The following CHST11 variants were observed in gnomAD, a reference collection of about 807,000 sequenced individuals.
The protein encoded by CHST11 is carbohydrate sulfotransferase 11.
Under a neutral mutation model 30.4 loss-of-function variants are expected in CHST11, and 9 were observed. The ratio of observed to expected loss-of-function variants is 0.30; its 90% CI spans 0.18 to 0.52. The LOEUF (loss-of-function observed/expected upper bound fraction) is 0.52. Among genes scored for constraint, CHST11 ranks in the 20% least tolerant of loss-of-function variants. The pLI is 0.97. For synonymous variants in CHST11, 152 were observed against 187.8 expected, an observed-to-expected ratio of 0.81 and a Z score of 1.56; for missense variants, 348 against 460.6, an observed-to-expected ratio of 0.76 and a Z score of 2.24.
intron 2 of CHST11, among the ~76,000 whole-genome samples, chr12:104,609,510 G>T (rs1281561387): frequency 1.3e-5 from 2 of 152,152 alleles, no homozygotes; most frequent in African/African-American, 4.8e-5. Flanking sequence ...CAGATTTCCA[G>T]TCAAGCCAGG....
chr12:104,723,643 GT>G (rs1277074258), intron 2 of CHST11, among the ~76,000 whole-genome samples: 3 of 152,188 alleles, frequency 2.0e-5, no homozygotes, highest in Non-Finnish European at 4.4e-5. Context: ...TAGCCAAGAG[GT>G]GGTGCCCAAA....
intron 1 of CHST11, among the ~76,000 whole-genome samples, chr12:104,551,018 G>A (rs1408035523): frequency 6.6e-6 from 1 of 152,040 alleles, no homozygotes; most frequent in Non-Finnish European, 1.5e-5. Flanking sequence ...AGTGCTGATG[G>A]TCCGTACTTG....
At chr12:104,523,888 T>G (rs2038097842) in intron 1 of CHST11, among the ~76,000 whole-genome samples, 1 of 152,214 alleles carries the variant, frequency 6.6e-6, no homozygotes, top group African/African-American at 2.4e-5. Context: ...TTTCTGGAAT[T>G]TCACATGGGT....
At chr12:104,497,574 T>C (rs2037811224) in intron 1 of CHST11, among the ~76,000 whole-genome samples, 1 of 151,352 alleles carries the variant, frequency 6.6e-6, no homozygotes, top group Non-Finnish European at 1.5e-5. Flanking sequence ...ACCTCACGTA[T>C]TAAAAAAAAA....
At position 104,621,804 on chromosome 12, in the gene CHST11, C is replaced by T. The variant is rs561445538; in HGVS notation, c.204+19813C>T. ...AGTTGTTTGTAGTGATTTGTTACAG[C>T]GGCAATAGAAAACTAACATGCACAC... On this transcript the variant is annotated intron_variant, in intron 2 of 2. Coordinates refer to ENST00000303694, the MANE Select transcript of CHST11 (RefSeq NM_018413.6). 4.6e-5 allele frequency among the ~76,000 whole-genome samples: 7 copies of T among 152,318 alleles called. No individual in the cohort carries two copies. The South Asian group carries it at 8.3e-4, about 18-fold the overall frequency.
intron 2 of CHST11, among the ~76,000 whole-genome samples, chr12:104,660,256 G>T (rs2039586342): frequency 6.6e-6 from 1 of 152,160 alleles, no homozygotes; most frequent in Admixed American, 6.5e-5. Context: ...GGTCTCCTGG[G>T]TACCACGCCA....
At chr12:104,554,572 C>T (rs1235957715) in intron 1 of CHST11, among the ~76,000 whole-genome samples, 1 of 152,218 alleles carries the variant, frequency 6.6e-6, no homozygotes, top group Admixed American at 6.5e-5. Flanking sequence ...CAGGCATTTT[C>T]ACCCTGGGTA....
At chr12:104,692,984 C>T (rs1047595697) in intron 2 of CHST11, among the ~76,000 whole-genome samples, 5 of 151,982 alleles carry the variant, frequency 3.3e-5, no homozygotes, top group Non-Finnish European at 7.4e-5. Flanking sequence ...TCTTACTGTC[C>T]TGGAGGCTGG....
intron 2 of CHST11, among the ~76,000 whole-genome samples, chr12:104,648,832 C>G (rs929548595): frequency 6.6e-6 from 1 of 152,068 alleles, no homozygotes; most frequent in African/African-American, 2.4e-5. Flanking sequence ...AAAGAAAGAT[C>G]TGAGCAGGGA....
intron 2 of CHST11, among the ~76,000 whole-genome samples, chr12:104,714,551 GTGATGATGATGA>G (rs58768319): frequency 0.31 from 46,611 of 150,856 alleles, 7,436 homozygotes; most frequent in African/African-American, 0.39. Context: ...TGTGGAGGTG[GTGATGATGATGA>G]TGATGATGAT....
At chr12:104,493,601 G>T (rs974793647) in intron 1 of CHST11, among the ~76,000 whole-genome samples, 3 of 152,186 alleles carry the variant, frequency 2.0e-5, no homozygotes, top group African/African-American at 4.8e-5. Flanking sequence ...GAGTTTGAAG[G>T]CCTGAAGGCG....
intron 1 of CHST11, among the ~76,000 whole-genome samples, chr12:104,571,084 G>A (rs1161302733): frequency 5.3e-5 from 8 of 152,126 alleles, no homozygotes; most frequent in Non-Finnish European, 7.3e-5. Context: ...TGAGAAAATG[G>A]CAGAGAGGAT....
Position 104,759,805 on chromosome 12 carries a change from A to G in CHST11, c.*2002A>G, listed in dbSNP as rs1156306196. ...GATGGAGATTTACGCAATGTGTTTTACTGGGTAGAGTGACAGACCTTGGCT... is the reference window on the plus strand; with the variant it reads ...GATGGAGATTTACGCAATGTGTTTTGCTGGGTAGAGTGACAGACCTTGGCT... On this transcript the variant is annotated 3_prime_UTR_variant, in exon 3 of 3. Transcript: ENST00000303694. 1.3e-5 allele frequency: 2 copies of G among 152,182 alleles called. No homozygotes were observed. The highest frequency in any genetic ancestry group is 2.9e-5 in the Non-Finnish European group (2 of 68,044). The allele number at this position is 152,182 out of a possible 1,614,324, so 9.4% of individuals were successfully genotyped here.
Position 104,521,291 on chromosome 12 carries a change from C to T in CHST11, c.118+63762C>T, listed in dbSNP as rs1301125251. 7.2e-5 allele frequency among the ~76,000 whole-genome samples: 11 copies of T among 152,168 alleles called. No homozygotes were observed. The South Asian group carries it at 1.9e-3, about 26-fold the overall frequency. The stretch of plus-strand genomic sequence containing the variant: ...TGCATGCTTTTCTGCAATGCATATC[C>T]GCAACAGGTGAGCCTGGGTGAATAT... On this transcript the variant is annotated intron_variant, in intron 1 of 2. Coordinates refer to ENST00000303694, the MANE Select transcript of CHST11 (RefSeq NM_018413.6).
intron 1 of CHST11, among the ~76,000 whole-genome samples, chr12:104,505,341 C>CA (rs1479029601): frequency 2.6e-5 from 4 of 152,266 alleles, no homozygotes; most frequent in Non-Finnish European, 5.9e-5. Flanking sequence ...CACACCCCCC[C>CA]AGCAGAGAGC....
chr12:104,726,175 T>A (rs1235542404), intron 2 of CHST11, among the ~76,000 whole-genome samples: 1 of 152,222 alleles, frequency 6.6e-6, no homozygotes, highest in Non-Finnish European at 1.5e-5. Flanking sequence ...TCATCTAGAA[T>A]CCTTAGTGAA....
At chr12:104,463,566 T>C (rs574167785) in intron 1 of CHST11, among the ~76,000 whole-genome samples, 1 of 152,356 alleles carries the variant, frequency 6.6e-6, no homozygotes, top group East Asian at 1.9e-4. Flanking sequence ...CATACATCTC[T>C]GCCTTCATGG....
chr12:104,666,110 A>C (rs764804646), intron 2 of CHST11, among the ~76,000 whole-genome samples: 3 of 151,748 alleles, frequency 2.0e-5, no homozygotes, highest in South Asian at 4.2e-4. Context: ...GAGCCACCGC[A>C]CCCGGCCTCT....
chr12:104,588,754 ACCTGCTCACCAGCAG>A (rs1182221651), intron 1 of CHST11: 1 of 152,546 alleles, frequency 6.6e-6, no homozygotes, highest in African/African-American at 2.4e-5. Context: ...CCACCAGCCA[ACCTGCTCACCAGCAG>A]CCTCTGGGCT....
Sources: allele counts gnomAD v4.1 joint callset (sites outside exome capture counted in the v4.1 genomes callset), GRCh38; gene constraint gnomAD v4.1.1; transcripts MANE v1.5; gene names NCBI Gene and HGNC (gene_info 2026-07-23, HGNC 2026-07-21).